The following GRIK2 variants were observed in gnomAD, a reference collection of about 807,000 sequenced individuals.
GRIK2 encodes glutamate ionotropic receptor kainate type subunit 2.
In GRIK2, 32 loss-of-function variants were observed where a neutral mutation model predicts 100.3. The ratio of observed to expected loss-of-function variants is 0.32; its 90% CI spans 0.24 to 0.43. GRIK2 has a LOEUF of 0.43. GRIK2 is among the 20% of genes least tolerant of loss of function. The pLI is 1.00. For synonymous variants in GRIK2, 417 were observed against 389.4 expected, an observed-to-expected ratio of 1.07 and a Z score of -0.83; for missense variants, 843 against 1,114.9, an observed-to-expected ratio of 0.76 and a Z score of 3.47.
chr6:101,600,550 ATTTG>A (rs1779161657), intron 2 of GRIK2, among the ~76,000 whole-genome samples: 1 of 151,684 alleles, frequency 6.6e-6, no homozygotes, highest in African/African-American at 2.4e-5. Context: ...ATGTTTTTCT[ATTTG>A]TTTGTGTCAC....
chr6:101,490,917 T>G (rs2128266894), intron 2 of GRIK2, among the ~76,000 whole-genome samples: 1 of 142,980 alleles, frequency 7.0e-6, no homozygotes, highest in South Asian at 2.2e-4. Context: ...ATGGAGGGAA[T>G]AACAGACATG....
chr6:101,953,156 TTATC>T (rs1226218978), intron 14 of GRIK2, among the ~76,000 whole-genome samples: 2 of 152,236 alleles, frequency 1.3e-5, no homozygotes, highest in Non-Finnish European at 2.9e-5. Context: ...CAAATTTTAT[TTATC>T]TGTTTATCAG....
chr6:101,897,027 CACACAG>C (rs1024443408), intron 12 of GRIK2, among the ~76,000 whole-genome samples: 17 of 107,064 alleles, frequency 1.6e-4, no homozygotes, highest in Non-Finnish European at 2.8e-4. Flanking sequence ...CACACACACA[CACACAG>C]ACACATACAC....
intron 2 of GRIK2, among the ~76,000 whole-genome samples, chr6:101,534,365 A>T (rs1408416853): frequency 1.3e-5 from 2 of 151,924 alleles, no homozygotes; most frequent in African/African-American, 2.4e-5. Flanking sequence ...TTGAGGAAGT[A>T]AATAACTTTT....
intron 2 of GRIK2, among the ~76,000 whole-genome samples, chr6:101,450,371 G>A (rs2128248844): frequency 6.6e-6 from 1 of 151,738 alleles, no homozygotes; most frequent in African/African-American, 2.4e-5. Context: ...CTATGTTATT[G>A]TAGCATTGAT....
intron 1 of GRIK2, among the ~76,000 whole-genome samples, chr6:101,396,619 A>G (rs917576475): frequency 6.6e-6 from 1 of 152,190 alleles, no homozygotes; most frequent in Non-Finnish European, 1.5e-5. Context: ...TAATGTGAAC[A>G]ATGCAATAAT....
intron 2 of GRIK2, among the ~76,000 whole-genome samples, chr6:101,483,266 T>C (rs956771956): frequency 6.6e-6 from 1 of 152,342 alleles, no homozygotes; most frequent in Admixed American, 6.5e-5. Flanking sequence ...GAATTTTCAC[T>C]GTGACAGAGG....
At chr6:101,630,723 T>C (rs1422410168) in intron 4 of GRIK2, among the ~76,000 whole-genome samples, 1 of 152,122 alleles carries the variant, frequency 6.6e-6, no homozygotes, top group Admixed American at 6.6e-5. Context: ...GACTATTTGA[T>C]GATGTGATAG....
At chr6:101,717,023 A>G (rs1003614628) in intron 7 of GRIK2, among the ~76,000 whole-genome samples, 3 of 151,830 alleles carry the variant, frequency 2.0e-5, no homozygotes, top group Admixed American at 6.6e-5. Flanking sequence ...AAGTGTGTAA[A>G]TTGATATGCA....
intron 2 of GRIK2, among the ~76,000 whole-genome samples, chr6:101,457,990 C>G (rs1255839009): frequency 6.6e-6 from 1 of 151,904 alleles, no homozygotes; most frequent in African/African-American, 2.4e-5. Context: ...CTTTAAAAAG[C>G]AGAAAGCAAA....
intron 14 of GRIK2, among the ~76,000 whole-genome samples, chr6:101,940,265 T>C (rs1790876110): frequency 6.6e-6 from 1 of 152,116 alleles, no homozygotes; most frequent in Admixed American, 6.6e-5. Flanking sequence ...AAGCAGCTTA[T>C]GAGTAGCATC....
intron 16 of GRIK2, among the ~76,000 whole-genome samples, chr6:102,067,761 G>A (rs1464095231): frequency 6.6e-6 from 1 of 151,792 alleles, no homozygotes; most frequent in Non-Finnish European, 1.5e-5. Flanking sequence ...TCATGATTAA[G>A]TCATATTTGT....
chr6:101,855,918 G>A (rs1784404543), intron 10 of GRIK2, among the ~76,000 whole-genome samples: 1 of 152,206 alleles, frequency 6.6e-6, no homozygotes, highest in South Asian at 2.1e-4. Flanking sequence ...GCAGGGGACA[G>A]TGTAAAGAAA....
At chr6:101,441,497 A>G (rs1770052141) in intron 2 of GRIK2, among the ~76,000 whole-genome samples, 1 of 152,176 alleles carries the variant, frequency 6.6e-6, no homozygotes, top group South Asian at 2.1e-4. Flanking sequence ...TGCTTGTGCT[A>G]CCCAGAACAC....
At chr6:101,993,997 C>A (rs934652526) in intron 14 of GRIK2, among the ~76,000 whole-genome samples, 1 of 145,122 alleles carries the variant, frequency 6.9e-6, no homozygotes, top group African/African-American at 2.6e-5. Flanking sequence ...TATATACATA[C>A]ATATATACAA....
At chr6:101,759,789 G>T (rs1241063935) in intron 7 of GRIK2, among the ~76,000 whole-genome samples, 1 of 149,910 alleles carries the variant, frequency 6.7e-6, no homozygotes, top group Non-Finnish European at 1.5e-5. Context: ...TTTAAAATAA[G>T]ATTTTAAAAA....
chr6:101,663,263 T>G (rs1288613756), intron 4 of GRIK2, among the ~76,000 whole-genome samples: 1 of 152,256 alleles, frequency 6.6e-6, no homozygotes, highest in African/African-American at 2.4e-5. Context: ...CTGCATTGAC[T>G]TGAGCACAAG....
intron 7 of GRIK2, among the ~76,000 whole-genome samples, chr6:101,752,326 G>T (rs1027547412): frequency 3.9e-5 from 6 of 151,966 alleles, no homozygotes; most frequent in Admixed American, 3.9e-4. Flanking sequence ...GTATTAACAC[G>T]ATTTTCCAGA....
intron 7 of GRIK2, among the ~76,000 whole-genome samples, chr6:101,793,376 A>G (rs1232302665): frequency 6.6e-6 from 1 of 152,024 alleles, no homozygotes; most frequent in South Asian, 2.1e-4. Context: ...TGATGTACAG[A>G]TGGGTTTTGG....
Sources: gnomAD v4.1 joint callset for allele counts (sites outside exome capture counted in the v4.1 genomes callset) on GRCh38, gnomAD v4.1.1 for gene constraint, MANE v1.5 for transcripts, NCBI Gene and HGNC (gene_info 2026-07-23, HGNC 2026-07-21) for gene names.